FMN1: variants seen among roughly 807,000 people sequenced by gnomAD.
FMN1 encodes the protein formin 1, also known as formin-1.
Under a neutral mutation model 132.4 loss-of-function variants are expected in FMN1, and 110 were observed. The observed-to-expected ratio is 0.83, with a 90% CI of 0.71 to 0.97. The LOEUF is 0.97. Among genes scored for constraint, FMN1 ranks in the 50% least tolerant of loss-of-function variants. FMN1 has a pLI of 0.00. For synonymous variants in FMN1, 722 were observed against 651.7 expected, an observed-to-expected ratio of 1.11 and a Z score of -1.64; for missense variants, 1,792 against 1,705.3, an observed-to-expected ratio of 1.05 and a Z score of -0.90.
chr15:33,170,775 T>C (rs1218369947), intron 3 of FMN1, among the ~76,000 whole-genome samples: 1 of 152,168 alleles, frequency 6.6e-6, no homozygotes, highest in Non-Finnish European at 1.5e-5. Flanking sequence ...AGGGAACTCA[T>C]ACACTGTTGG....
rs371894765 is a variant in FMN1 at position 32,852,499 on chromosome 15, C to T, written c.3928+4516G>A. On this transcript the variant is annotated intron_variant, in intron 17 of 20. Transcript: ENST00000616417. ...GGCTCAAGCAATCCTCCCACCTCAGCCTCCCAAGTAGCTGAGACTACAGGC... is the reference window on the plus strand; with the variant it reads ...GGCTCAAGCAATCCTCCCACCTCAGTCTCCCAAGTAGCTGAGACTACAGGC... Among the ~76,000 whole-genome samples the T allele has an allele frequency of 1.4e-3, 207 of 152,238 alleles. 1 individual carries two copies. The highest frequency in any genetic ancestry group is 4.9e-3 in the African/African-American group (202 of 41,532).
At chr15:32,811,931 G>A (rs1018672414) in intron 17 of FMN1, among the ~76,000 whole-genome samples, 1 of 152,134 alleles carries the variant, frequency 6.6e-6, no homozygotes, top group Non-Finnish European at 1.5e-5. Context: ...TTACAAGCAT[G>A]AGCCACCACA....
intron 7 of FMN1, among the ~76,000 whole-genome samples, chr15:32,980,192 T>C (rs950020127): frequency 1.4e-5 from 2 of 141,888 alleles, no homozygotes; most frequent in Non-Finnish European, 3.0e-5. Context: ...ACACTCGTTA[T>C]ACAAGACATA....
intron 4 of FMN1, chr15:33,105,859 A>G (rs2039464878): frequency 6.6e-6 from 1 of 152,070 alleles, no homozygotes; most frequent in African/African-American, 2.4e-5. Flanking sequence ...TGCCTATGGC[A>G]TCACTCCAGA....
intron 16 of FMN1, among the ~76,000 whole-genome samples, chr15:32,863,109 G>T (rs2059311063): frequency 6.6e-6 from 1 of 152,200 alleles, no homozygotes; most frequent in Non-Finnish European, 1.5e-5. Context: ...AGCCTAGAAT[G>T]CTTGGTTAAG....
At chr15:32,966,736 A>C (rs2031274311) in intron 8 of FMN1, among the ~76,000 whole-genome samples, 2 of 152,226 alleles carry the variant, frequency 1.3e-5, no homozygotes, top group Admixed American at 1.3e-4. Context: ...TTCCCAGAAG[A>C]GCAAGACCAA....
At chr15:32,965,119 C>G (rs1204905948) in intron 8 of FMN1, among the ~76,000 whole-genome samples, 1 of 152,162 alleles carries the variant, frequency 6.6e-6, no homozygotes. Context: ...GTTTACTGGT[C>G]AGGCATGGTA....
At chr15:33,149,907 T>C in intron 4 of FMN1, 1 of 984,652 alleles carries the variant, frequency 1.0e-6, no homozygotes, top group Non-Finnish European at 1.2e-6. Context: ...ATTAGGGGTT[T>C]ACACATGTAA....
At position 33,054,002 on chromosome 15, in the gene FMN1, G is replaced by A. The variant is rs79618629; in HGVS notation, c.2161+10955C>T. ...CACTGGTGAATGAACTCAATCTCCA[G>A]TGCCTCTCCTCTCCCTGAGAGTTGA... is the stretch of plus-strand genomic sequence containing the variant. On this transcript the variant is annotated intron_variant, in intron 6 of 20. Transcript: ENST00000616417. Among the ~76,000 whole-genome samples, 1,142 of 152,186 alleles carry A rather than the reference G, an allele frequency of 7.5e-3. 11 individuals are homozygous for A. Among genetic ancestry groups the A allele is most frequent in the African/African-American group, 0.026 (1,097 of 41,502 alleles).
chr15:32,910,706 C>A (rs1413976255), intron 10 of FMN1, among the ~76,000 whole-genome samples, 171 bp from the exon 11 acceptor site: 1 of 152,218 alleles, frequency 6.6e-6, no homozygotes. Flanking sequence ...ATGAAAGAAA[C>A]CAAAATGGTT....
At chr15:32,963,923 TCA>T (rs35753530) in intron 9 of FMN1, among the ~76,000 whole-genome samples, 182 bp downstream of exon 9, 3,861 of 143,250 alleles carry the variant, frequency 0.027, 59 homozygotes, top group Non-Finnish European at 0.032. Flanking sequence ...TTCCTATGAA[TCA>T]CACACACACA....
At chr15:32,871,597 G>A (rs536133339) in intron 16 of FMN1, among the ~76,000 whole-genome samples, 1 of 152,184 alleles carries the variant, frequency 6.6e-6, no homozygotes, top group South Asian at 2.1e-4. Context: ...TCTAGGTTGA[G>A]GGTCATTTCT....
chr15:33,003,691 T>G (rs992352962), intron 7 of FMN1, among the ~76,000 whole-genome samples: 10 of 152,172 alleles, frequency 6.6e-5, no homozygotes, highest in Non-Finnish European at 1.0e-4. Flanking sequence ...TGGAAAAAAC[T>G]ACTTTAAAGT....
intron 7 of FMN1, among the ~76,000 whole-genome samples, chr15:32,976,353 G>C (rs1352087874): frequency 6.6e-6 from 1 of 152,194 alleles, no homozygotes; most frequent in Admixed American, 6.5e-5. Flanking sequence ...AGTTCTTACA[G>C]AATGCTTAGG....
At chr15:33,070,373 G>A (rs567214149) in intron 5 of FMN1, among the ~76,000 whole-genome samples, 4 of 142,082 alleles carry the variant, frequency 2.8e-5, no homozygotes, top group African/African-American at 1.0e-4. Context: ...GTGGGAGAGG[G>A]CACGTATTTG....
intron 7 of FMN1, 24 bp from the exon 8 acceptor site, chr15:32,969,501 G>GA (rs778290280): frequency 6.2e-7 from 1 of 1,606,262 alleles, no homozygotes; most frequent in Non-Finnish European, 8.5e-7. Context: ...CAGAGGGAAA[G>GA]AAAGTAATGA....
At chr15:32,838,974 G>C (rs1044522947) in intron 17 of FMN1, among the ~76,000 whole-genome samples, 7 of 152,144 alleles carry the variant, frequency 4.6e-5, no homozygotes, top group Admixed American at 3.9e-4. Context: ...CCAAGGCCCT[G>C]ACACAGCCAC....
intron 6 of FMN1, chr15:33,012,278 T>C: frequency 4.1e-6 from 3 of 737,378 alleles, no homozygotes; most frequent in Non-Finnish European, 7.4e-6. Context: ...CACCAGGTAT[T>C]CCAGAGGCTT....
At chr15:33,095,430 G>A (rs928795729) in intron 4 of FMN1, among the ~76,000 whole-genome samples, 1 of 152,130 alleles carries the variant, frequency 6.6e-6, no homozygotes, top group African/African-American at 2.4e-5. Flanking sequence ...GAGTCTCACT[G>A]TGTCACCCAG....
Sources: allele counts gnomAD v4.1 joint callset (sites outside exome capture counted in the v4.1 genomes callset), GRCh38; gene constraint gnomAD v4.1.1; transcripts MANE v1.5; gene names NCBI Gene and HGNC (gene_info 2026-07-23, HGNC 2026-07-21).